The following LAMA1 variants were observed in gnomAD, a reference collection of about 807,000 sequenced individuals.
LAMA1 encodes laminin subunit alpha-1.
Under a neutral mutation model 348.7 loss-of-function variants are expected in LAMA1, and 219 were observed. The observed-to-expected ratio is 0.63, with a 90% CI of 0.56 to 0.70. The LOEUF (loss-of-function observed/expected upper bound fraction) is 0.70. Among genes scored for constraint, LAMA1 ranks in the 30% least tolerant of loss-of-function variants. LAMA1 has a pLI of 0.00. For missense variants in LAMA1, 3,744 were observed against 3,888.0 expected (o/e 0.96, Z 0.99); for synonymous variants, 1,487 against 1,491.0 (o/e 1.00, Z 0.06).
In LAMA1 at chr18:6,961,729, C is replaced by T. The variant is rs758862251; in HGVS notation, c.7483G>A (p.Gly2495Ser). Residue 2495 changes from glycine (G) to serine (S), a missense_variant, in exon 53 of 63, where the codon GGC (glycine) becomes AGC (serine). Around this residue, in one of 3 missense-constraint regions of LAMA1, gnomAD observed 1,983 missense variants for 1,934.3 expected, o/e 1.03. Coordinates refer to ENST00000389658, the MANE Select transcript of LAMA1 (RefSeq NM_005559.4). Reference protein sequence around the residue: ...PIRSVSFLKGGYIELPPKSLS... With the variant: ...PIRSVSFLKGSYIELPPKSLS... ...GATTTGGGTGGCAATTCAATGTAGC[C>T]GCCTTTCAGGAAGCTAACACTCCGG... 1.4e-5 allele frequency: 23 copies of T among 1,613,976 alleles called. No individual in the cohort carries two copies. The highest frequency in any genetic ancestry group is 6.7e-5 in the East Asian group (3 of 44,886).
chr18:7,037,030 T>A (rs561156982), intron 12 of LAMA1, among the ~76,000 whole-genome samples: 9 of 152,206 alleles, frequency 5.9e-5, no homozygotes, highest in African/African-American at 2.2e-4. Context: ...AACCTCCACA[T>A]TGCAGAATCA....
chr18:6,990,077 T>C (rs2057752046), intron 36 of LAMA1, among the ~76,000 whole-genome samples: 1 of 152,200 alleles, frequency 6.6e-6, no homozygotes, highest in African/African-American at 2.4e-5. Flanking sequence ...TTCAAGTCAT[T>C]AAGGACTATA....
rs764541280 is a variant in LAMA1 at position 6,942,152 on chromosome 18, T to G, written c.9155A>C (p.Gln3052Pro). The G allele has an allele frequency of 3.7e-6, 6 of 1,614,072 alleles. No homozygotes were observed. In the African/African-American group the frequency reaches 8.0e-5, roughly 22 times the overall value. The change falls in exon 63 of 63, where the codon CAG becomes CCG. Residue 3052 changes from glutamine to proline, a missense_variant. Physicochemically the swap from Gln to Pro is moderately conservative, Grantham distance 76. Around this residue, in one of 3 missense-constraint regions of LAMA1, gnomAD observed 232 missense variants for 264.4 expected, o/e 0.88. Transcript: ENST00000389658. ...KLALIKSPQVQSFDFSRAFEL... is the reference protein window; with the variant it reads ...KLALIKSPQVPSFDFSRAFEL... ...GAACGCTCTGCTGAAGTCAAAGGACTGCACCTGCGGGCTCTTAATCAGAGC... is the reference window on the plus strand; with the variant it reads ...GAACGCTCTGCTGAAGTCAAAGGACGGCACCTGCGGGCTCTTAATCAGAGC...
At chr18:7,085,211 T>G (rs2143791331) in intron 1 of LAMA1, among the ~76,000 whole-genome samples, 1 of 152,218 alleles carries the variant, frequency 6.6e-6, no homozygotes, top group Non-Finnish European at 1.5e-5. Flanking sequence ...TTTATAGGGT[T>G]GAATAATCAG....
At chr18:6,989,021 T>C (rs2057747779) in intron 36 of LAMA1, among the ~76,000 whole-genome samples, 2 of 152,110 alleles carry the variant, frequency 1.3e-5, no homozygotes, top group African/African-American at 4.8e-5. Context: ...CTACCTGGGC[T>C]GTTTGTGCAA....
intron 21 of LAMA1, 77 bp from the exon 22 acceptor site, chr18:7,015,935 CT>C: frequency 6.4e-7 from 1 of 1,563,934 alleles, no homozygotes. Flanking sequence ...TGTTATTTCC[CT>C]TTTATTAAGA....
At chr18:7,055,843 A>C (rs1164600597) in intron 3 of LAMA1, among the ~76,000 whole-genome samples, 2 of 152,120 alleles carry the variant, frequency 1.3e-5, no homozygotes, top group African/African-American at 4.8e-5. Flanking sequence ...GCATTTTGGG[A>C]GGCCGAGGCG....
intron 1 of LAMA1, among the ~76,000 whole-genome samples, chr18:7,084,671 C>G (rs2058207749): frequency 1.3e-5 from 2 of 152,082 alleles, no homozygotes; most frequent in Admixed American, 6.6e-5. Context: ...GTTTTTAAAC[C>G]CTTTCTGTAC....
At chr18:7,064,268 T>C (rs535349810) in intron 3 of LAMA1, among the ~76,000 whole-genome samples, 20 of 151,926 alleles carry the variant, frequency 1.3e-4, no homozygotes, top group Non-Finnish European at 2.6e-4. Context: ...TATTTTATAA[T>C]AACACCCCCT....
rs989924111 is a variant in LAMA1 at position 6,948,340 on chromosome 18, C to T, written c.8710+63G>A. The T allele has an allele frequency of 5.0e-6, 8 of 1,604,252 alleles. No homozygotes were observed. The Admixed American group carries it at 5.0e-5, about 10-fold the overall frequency. On this transcript the variant is annotated intron_variant, in intron 60 of 62. Coordinates refer to ENST00000389658, the MANE Select transcript of LAMA1 (RefSeq NM_005559.4). ...TGGGTCCTGTCTTATACTCTTGGAT[C>T]CACATCGCTTTAGAGTACAGACTCA...
Position 6,975,012 on chromosome 18 carries a change from G to T in LAMA1, c.6514C>A (p.Arg2172=), listed in dbSNP as rs756411628. 6.2e-7 allele frequency: 1 copy of T among 1,613,674 alleles called. No homozygotes were observed. Among genetic ancestry groups the T allele is most frequent in the Non-Finnish European group, 8.5e-7 (1 of 1,179,854 alleles). Residue 2172 remains arginine, a synonymous_variant, in exon 46 of 63, where the codon CGG becomes AGG. Coordinates refer to ENST00000389658, the MANE Select transcript of LAMA1 (RefSeq NM_005559.4). ...CACAGGAAGGCCACTCTCCCTCGCC[G>T]CATCTCCACTGCAAGGAAATCAGAC... ...TASDFLAVEM[R]RGRVAFLWDL...
intron 48 of LAMA1, among the ~76,000 whole-genome samples, chr18:6,969,288 C>T (rs1057496543): frequency 1.1e-4 from 17 of 152,114 alleles, no homozygotes; most frequent in African/African-American, 4.1e-4. Context: ...ATCCACCTGC[C>T]TTGGCCTCCC....
chr18:7,059,016 A>G (rs2143742964), intron 3 of LAMA1, among the ~76,000 whole-genome samples: 1 of 152,172 alleles, frequency 6.6e-6, no homozygotes, highest in Non-Finnish European at 1.5e-5. Flanking sequence ...CAGCCTCCCA[A>G]GTAGCTGGGA....
intron 42 of LAMA1, among the ~76,000 whole-genome samples, chr18:6,979,877 C>T (rs113406441): frequency 0.019 from 2,914 of 152,230 alleles, 91 homozygotes; most frequent in African/African-American, 0.062. Context: ...CCAGCCTGGG[C>T]GACAGAGCGA....
intron 50 of LAMA1, 87 bp downstream of exon 50, chr18:6,965,201 A>T: frequency 6.6e-7 from 1 of 1,512,368 alleles, no homozygotes; most frequent in South Asian, 1.1e-5. Context: ...CCAGGAAACT[A>T]CTGTGGAAAA....
At chr18:6,973,373 A>G (rs1017268908) in intron 46 of LAMA1, among the ~76,000 whole-genome samples, 166 bp from the exon 47 acceptor site, 6 of 152,114 alleles carry the variant, frequency 3.9e-5, no homozygotes, top group Non-Finnish European at 8.8e-5. Context: ...CGAAATCTTC[A>G]AGAGTGTCTC....
intron 3 of LAMA1, among the ~76,000 whole-genome samples, chr18:7,076,264 G>A (rs1217026200): frequency 6.6e-6 from 1 of 152,172 alleles, no homozygotes; most frequent in Non-Finnish European, 1.5e-5. Flanking sequence ...CAGAAAAAAG[G>A]AAGTAACATT....
chr18:6,953,990 T>C (rs12454596), intron 57 of LAMA1: 57,013 of 152,342 alleles, frequency 0.37, 11,854 homozygotes, highest in East Asian at 0.65. Context: ...GCTGGTCTTT[T>C]TGGTGGTGGA....
rs115980189 is a variant in LAMA1, at chr18:6,975,734, G to A, written c.6489+203C>T. ...AATTAAGATGGCATCCTTCAGAAAC[G>A]CCACTTTCCTTCTCACAGGCATTCC... On this transcript the variant is annotated intron_variant, in intron 45 of 62. Coordinates refer to ENST00000389658, the MANE Select transcript of LAMA1 (RefSeq NM_005559.4). 4.2e-3 allele frequency among the ~76,000 whole-genome samples: 636 copies of A among 152,234 alleles called. 4 individuals carry two copies. Among genetic ancestry groups the A allele is most frequent in the African/African-American group, 0.015 (616 of 41,520 alleles).
Sources: allele counts gnomAD v4.1 joint callset (sites outside exome capture counted in the v4.1 genomes callset), GRCh38; gene constraint gnomAD v4.1.1; regional missense constraint gnomAD v4.1.1; transcripts MANE v1.5; gene names NCBI Gene and HGNC (gene_info 2026-07-23, HGNC 2026-07-21).